ZCCHC17: variants seen among roughly 807,000 people sequenced by gnomAD.
The protein encoded by ZCCHC17 is zinc finger CCHC-type containing 17, also known as zinc finger CCHC domain-containing protein 17.
ZCCHC17 carries 18 observed loss-of-function variants against 30.6 expected under a neutral mutation model. The ratio of observed to expected loss-of-function variants is 0.59; its 90% CI spans 0.41 to 0.87. The LOEUF (loss-of-function observed/expected upper bound fraction) is 0.87, where lower values mean the gene tolerates loss of function less well. Among genes scored for constraint, ZCCHC17 ranks in the 40% least tolerant of loss-of-function variants. The pLI, the probability that ZCCHC17 is intolerant of heterozygous loss-of-function variation, is 0.00. For missense variants in ZCCHC17, 263 were observed against 284.2 expected (o/e 0.93, Z 0.54); for synonymous variants, 88 against 92.4 (o/e 0.95, Z 0.27).
rs1326215451 is a variant in ZCCHC17, at chr1:31,349,086, A to T, written c.564+112A>T. On this transcript the variant is annotated intron_variant, in intron 7 of 7. Coordinates refer to ENST00000344147, the MANE Select transcript of ZCCHC17 (RefSeq NM_016505.4). ...TGTAGTCCCAGCTACTTGGGAGGAT[A>T]AGGTGGGAGGATTGCTCGAGGCCAG... The T allele has an allele frequency of 7.3e-6, 7 of 964,418 alleles. No homozygotes were observed. The Admixed American group carries it at 2.5e-4, about 35-fold the overall frequency. The allele number at this position is 964,418 out of a possible 1,614,324, so 59.7% of individuals were successfully genotyped here.
chr1:31,340,505 T>TG lies in ZCCHC17; in HGVS notation c.317+1461dup, dbSNP rs1374124883. On this transcript the variant is annotated intron_variant, in intron 5 of 7. Transcript: ENST00000344147. ...GCTAATTTTGTATTTTTAGTAGAGA[T>TG]GGGGTTTCTCTATGTTGGTCGGGCT... is the stretch of plus-strand genomic sequence containing the variant. Among the ~76,000 whole-genome samples the TG allele has an allele frequency of 3.3e-5, 5 of 152,230 alleles. No homozygotes were observed. In the East Asian group the frequency reaches 9.7e-4, roughly 29 times the overall value.
chr1:31,318,591 G>A (rs965351356), intron 2 of ZCCHC17, among the ~76,000 whole-genome samples: 1 of 152,120 alleles, frequency 6.6e-6, no homozygotes, highest in Non-Finnish European at 1.5e-5. Flanking sequence ...ACTCAGACTT[G>A]GAGTTAAATG....
At chr1:31,353,634 G>C (rs1290937306) in intron 7 of ZCCHC17, among the ~76,000 whole-genome samples, 1 of 152,066 alleles carries the variant, frequency 6.6e-6, no homozygotes, top group East Asian at 1.9e-4. Context: ...TTACGTTTAG[G>C]TCTTTGATCC....
In ZCCHC17 at chr1:31,337,207, C is replaced by T. The variant is rs756580827; in HGVS notation, c.157C>T (p.Arg53Trp). The change falls in exon 4 of 8, where the codon CGG (arginine) becomes TGG (tryptophan). Residue 53 changes from arginine to tryptophan, a missense_variant. Physicochemically the swap from Arg to Trp is moderately radical, Grantham distance 101. Coordinates refer to ENST00000344147, the MANE Select transcript of ZCCHC17 (RefSeq NM_016505.4). The stretch of plus-strand genomic sequence containing the variant: ...CCATCGAACTCATATGTCATCCTGT[C>T]GGGTGGATAAGCCCTCTGAGATAGT... The part of the protein sequence containing the change: ...LVHRTHMSSC[R>W]VDKPSEIVDV... 14 of 1,613,842 alleles carry T rather than the reference C, an allele frequency of 8.7e-6. No homozygotes were observed. In the Admixed American group the frequency reaches 1.2e-4, roughly 13 times the overall value.
intron 1 of ZCCHC17, among the ~76,000 whole-genome samples, chr1:31,303,014 A>G (rs542345939): frequency 1.3e-5 from 2 of 152,216 alleles, no homozygotes; most frequent in East Asian, 3.9e-4. Flanking sequence ...GCCATGGCTC[A>G]TGCCTGTAAT....
chr1:31,300,308 C>T (rs971339926), intron 1 of ZCCHC17, among the ~76,000 whole-genome samples: 3 of 152,132 alleles, frequency 2.0e-5, no homozygotes, highest in African/African-American at 7.2e-5. Context: ...GATCTTGCTG[C>T]CTTGGTCTCC....
chr1:31,342,674 C>T (rs994572148), intron 5 of ZCCHC17, among the ~76,000 whole-genome samples: 23 of 152,334 alleles, frequency 1.5e-4, no homozygotes, highest in African/African-American at 5.3e-4. Flanking sequence ...TGCTCCTTCA[C>T]CTGCTGCTCA....
chr1:31,297,652 C>T (rs1323316768), intron 1 of ZCCHC17, among the ~76,000 whole-genome samples: 1 of 152,172 alleles, frequency 6.6e-6, no homozygotes, highest in African/African-American at 2.4e-5. Context: ...GTGGGGAAAA[C>T]GTTAAACAAT....
intron 7 of ZCCHC17, among the ~76,000 whole-genome samples, chr1:31,358,163 G>C (rs1179261075): frequency 6.6e-6 from 1 of 152,230 alleles, no homozygotes; most frequent in Non-Finnish European, 1.5e-5. Flanking sequence ...TGTAACAGCT[G>C]ATGTTGGGAA....
chr1:31,330,430 T>G (rs1403706523), intron 3 of ZCCHC17, among the ~76,000 whole-genome samples: 1 of 152,232 alleles, frequency 6.6e-6, no homozygotes, highest in Non-Finnish European at 1.5e-5. Context: ...TGGCTTGATG[T>G]CAGAAATCCA....
intron 5 of ZCCHC17, among the ~76,000 whole-genome samples, chr1:31,340,755 C>T (rs1414507220): frequency 6.6e-6 from 1 of 152,038 alleles, no homozygotes; most frequent in Non-Finnish European, 1.5e-5. Context: ...TAATTAGGTA[C>T]GCTCAATGAC....
rs757579699 is a variant in ZCCHC17 at position 31,337,237 on chromosome 1, G to A, written c.187G>A (p.Val63Ile). The A allele has an allele frequency of 1.2e-6, 2 of 1,613,966 alleles. No homozygotes were observed. The highest frequency in any genetic ancestry group is 4.5e-5 in the East Asian group (2 of 44,894). The change falls in exon 4 of 8, where the codon GTT (valine) becomes ATT (isoleucine). Residue 63 changes from valine to isoleucine, a missense_variant. Coordinates refer to ENST00000344147, the MANE Select transcript of ZCCHC17 (RefSeq NM_016505.4). ...RVDKPSEIVD[V>I]GDKVWVKLIG... ...GGATAAGCCCTCTGAGATAGTAGAT[G>A]TTGGAGATAAAGTGTGGGTGAAGCT...
chr1:31,315,763 T>C (rs1365762673), intron 2 of ZCCHC17, among the ~76,000 whole-genome samples: 2 of 152,192 alleles, frequency 1.3e-5, no homozygotes, highest in Admixed American at 1.3e-4. Flanking sequence ...TCAGTTGAGA[T>C]AGTTACTGAA....
intron 1 of ZCCHC17, among the ~76,000 whole-genome samples, chr1:31,299,693 C>T (rs1040038527): frequency 1.3e-5 from 2 of 152,116 alleles, no homozygotes; most frequent in Non-Finnish European, 2.9e-5. Flanking sequence ...AGGTGTTGTT[C>T]CTGGAAGTTC....
chr1:31,308,222 A>C (rs1291849604), intron 1 of ZCCHC17, among the ~76,000 whole-genome samples: 1 of 152,244 alleles, frequency 6.6e-6, no homozygotes, highest in African/African-American at 2.4e-5. Context: ...GTGTACTTTT[A>C]GTACAGTAAT....
At chr1:31,329,848 A>G (rs986574247) in intron 3 of ZCCHC17, among the ~76,000 whole-genome samples, 8 of 152,162 alleles carry the variant, frequency 5.3e-5, no homozygotes, top group Non-Finnish European at 1.2e-4. Context: ...AATGATGTGC[A>G]TATTTTAGGG....
At chr1:31,346,248 TA>T (rs1267072657) in intron 5 of ZCCHC17, among the ~76,000 whole-genome samples, 1 of 152,086 alleles carries the variant, frequency 6.6e-6, no homozygotes, top group African/African-American at 2.4e-5. Context: ...ATTGTGTGAG[TA>T]AAGATGAGGC....
At chr1:31,362,194 A>G (rs1290104212) in intron 7 of ZCCHC17, among the ~76,000 whole-genome samples, 4 of 152,238 alleles carry the variant, frequency 2.6e-5, no homozygotes, top group Non-Finnish European at 5.9e-5. Flanking sequence ...GATGCAGAAT[A>G]GTAAATGGCA....
chr1:31,308,093 A>C (rs1372464640), intron 1 of ZCCHC17, among the ~76,000 whole-genome samples: 1 of 152,228 alleles, frequency 6.6e-6, no homozygotes, highest in African/African-American at 2.4e-5. Context: ...GACAGGCTAG[A>C]GATGAGATTG....
Sources: allele counts gnomAD v4.1 joint callset (sites outside exome capture counted in the v4.1 genomes callset), GRCh38; gene constraint gnomAD v4.1.1; transcripts MANE v1.5; gene names NCBI Gene and HGNC (gene_info 2026-07-23, HGNC 2026-07-21).